ZNF174: variants seen among roughly 807,000 people sequenced by gnomAD.
ZNF174 encodes zinc finger protein 174.
A neutral mutation model predicts 38.7 loss-of-function variants in ZNF174; 30 were observed. The ratio of observed to expected loss-of-function variants is 0.78; its 90% CI spans 0.58 to 1.05. The LOEUF (loss-of-function observed/expected upper bound fraction) is 1.05. Among genes scored for constraint, ZNF174 ranks in the 50% least tolerant of loss-of-function variants. The pLI is 0.00. For missense variants in ZNF174, 499 were observed against 495.6 expected (o/e 1.01, Z -0.06); for synonymous variants, 201 against 181.7 (o/e 1.11, Z -0.86).
At position 3,408,702 on chromosome 16, in the gene ZNF174, C is replaced by A; in HGVS notation, c.1007C>A (p.Thr336Lys). The A allele has an allele frequency of 6.2e-7, 1 of 1,614,036 alleles. No homozygotes were observed. ...TGTGATGACTGTGGGAAAAGCTTCA[C>A]GTGGAATTCAGAGCTGAAGAGACAC... ...YKCDDCGKSFTWNSELKRHKR... is the reference protein window; with the variant it reads ...YKCDDCGKSFKWNSELKRHKR... The change falls in exon 3 of 3, where the codon ACG (threonine) becomes AAG (lysine). Residue 336 changes from threonine (T) to lysine (K), a missense_variant. Physicochemically the swap from Thr to Lys is moderately conservative, Grantham distance 78. Transcript: ENST00000268655.
chr16:3,405,043 A>AT, intron 2 of ZNF174: 1 of 1,592,162 alleles, frequency 6.3e-7, no homozygotes, highest in Non-Finnish European at 8.5e-7. Flanking sequence ...CCTATATCTT[A>AT]TATCTTTGTC....
intron 2 of ZNF174, among the ~76,000 whole-genome samples, chr16:3,407,815 C>T (rs2034075767): frequency 6.6e-6 from 1 of 152,198 alleles, no homozygotes; most frequent in South Asian, 2.1e-4. Context: ...AAGAAAACAT[C>T]ACAGTCTCTG....
Position 3,408,958 on chromosome 16 carries a change from TTG to T in ZNF174, c.*43_*44del. 1.3e-6 allele frequency: 2 copies of T among 1,539,014 alleles called. No homozygotes were observed. The highest frequency in any genetic ancestry group is 1.8e-6 in the Non-Finnish European group (2 of 1,138,700). On this transcript the variant is annotated 3_prime_UTR_variant, in exon 3 of 3. Transcript: ENST00000268655. ...TGCTTTAGATTCACACGGAAGGTGT[TTG>T]TGTTTCTCCTCCCCCTTACTTGCAT...
rs937332619 is a variant in ZNF174, at chr16:3,401,251, G to C, written c.-754G>C. ...GCCGGTGTCGGGTCCTAAGTCCCTC[G>C]GTCTTGGGTTCCCGGAGAGGTGAGT... On this transcript the variant is annotated 5_prime_UTR_variant, in exon 1 of 3. Transcript: ENST00000268655. The C allele has an allele frequency of 2.6e-5, 4 of 152,276 alleles. No individual in the cohort carries two copies. The highest frequency in any genetic ancestry group is 7.2e-5 in the African/African-American group (3 of 41,420). 9.4% of individuals were successfully genotyped at this position (152,276 alleles called of 1,614,324 possible).
intron 1 of ZNF174, among the ~76,000 whole-genome samples, chr16:3,403,587 T>G (rs2034001904): frequency 6.6e-6 from 1 of 151,640 alleles, no homozygotes; most frequent in African/African-American, 2.4e-5. Flanking sequence ...CCAGCTCAAG[T>G]GTTCCTCACA....
At position 3,404,443 on chromosome 16, in the gene ZNF174, G is replaced by A; in HGVS notation, c.420G>A (p.Gln140=). The part of the protein sequence containing the change: ...KPKQWVAVCM[Q]GQKVLLEKTG... ...GTTCCTAGGTGGCCGTTTGTATGCA[G>A]GGGCAAAAGGTGCTCTTGGAGAAAA... The change falls in exon 2 of 3, where the codon CAG becomes CAA. Residue 140 remains glutamine, a synonymous_variant. Coordinates refer to ENST00000268655, the MANE Select transcript of ZNF174 (RefSeq NM_003450.3). 6.2e-7 allele frequency: 1 copy of A among 1,606,184 alleles called. No individual in the cohort carries two copies. The highest frequency in any genetic ancestry group is 1.1e-5 in the South Asian group (1 of 90,824).
chr16:3,406,310 G>C (rs1260602960), intron 2 of ZNF174, among the ~76,000 whole-genome samples: 2 of 152,190 alleles, frequency 1.3e-5, no homozygotes, highest in Non-Finnish European at 2.9e-5. Context: ...ATACCTAGGA[G>C]TGGAATTACC....
chr16:3,404,679 T>A, intron 2 of ZNF174, 31 bp downstream of exon 2: 1 of 1,612,336 alleles, frequency 6.2e-7, no homozygotes, highest in Non-Finnish European at 8.5e-7. Flanking sequence ...CTCCCTCTCA[T>A]CAGCCCTTTA....
rs374877652 is a variant in ZNF174, at chr16:3,404,993, C to T, written c.625+345C>T. Reference sequence around the variant, plus strand: ...TGGCTGAGTTTCATTGCTTAAAATGCTCCTCTGTTTAGAGGGGCCTGGTAG... The same window carrying T: ...TGGCTGAGTTTCATTGCTTAAAATGTTCCTCTGTTTAGAGGGGCCTGGTAG... On this transcript the variant is annotated intron_variant, in intron 2 of 2. Coordinates refer to ENST00000268655, the MANE Select transcript of ZNF174 (RefSeq NM_003450.3). The T allele has an allele frequency of 1.6e-5, 26 of 1,613,844 alleles. No individual in the cohort carries two copies. The African/African-American group carries it at 1.7e-4, about 11-fold the overall frequency.
chr16:3,407,718 C>A (rs1480031232), intron 2 of ZNF174, among the ~76,000 whole-genome samples: 1 of 152,208 alleles, frequency 6.6e-6, no homozygotes, highest in East Asian at 1.9e-4. Flanking sequence ...TCATCTCCAT[C>A]CAGACTGTCA....
At chr16:3,406,938 C>T (rs909131857) in intron 2 of ZNF174, among the ~76,000 whole-genome samples, 2 of 152,036 alleles carry the variant, frequency 1.3e-5, no homozygotes, top group Non-Finnish European at 2.9e-5. Context: ...TTATTTTTTC[C>T]CCATACATAA....
chr16:3,404,015 T>C (rs1434842240), intron 1 of ZNF174, among the ~76,000 whole-genome samples: 1 of 152,188 alleles, frequency 6.6e-6, no homozygotes, highest in Non-Finnish European at 1.5e-5. Context: ...AACAATGTAT[T>C]AGGTAAGAAG....
chr16:3,403,857 GC>G (rs1416707773), intron 1 of ZNF174, among the ~76,000 whole-genome samples: 3 of 152,118 alleles, frequency 2.0e-5, no homozygotes, highest in African/African-American at 7.2e-5. Flanking sequence ...GCCACTCCCC[GC>G]CCCGAAGTCA....
At chr16:3,406,800 T>G (rs116140941) in intron 2 of ZNF174, among the ~76,000 whole-genome samples, 3,505 of 152,336 alleles carry the variant, frequency 0.023, 112 homozygotes, top group African/African-American at 0.069. Flanking sequence ...TTTTTTTCTT[T>G]CTTTATGCTT....
At position 3,404,609 on chromosome 16, in the gene ZNF174, C is replaced by T. The variant is rs1567341109; in HGVS notation, c.586C>T (p.Pro196Ser). ...GAGCCCCCATCATTGGGAGAAATCC[C>T]CACTCCTCCAAGAACCAACCCCCAA... ...RLSPHHWEKS[P>S]LLQEPTPKLA... The change falls in exon 2 of 3, where the codon CCA (proline) becomes TCA (serine). Residue 196 changes from proline to serine, a missense_variant. Coordinates refer to ENST00000268655, the MANE Select transcript of ZNF174 (RefSeq NM_003450.3). 6.2e-7 allele frequency: 1 copy of T among 1,614,190 alleles called. No individual in the cohort carries two copies. The highest frequency in any genetic ancestry group is 8.5e-7 in the Non-Finnish European group (1 of 1,180,030).
intron 1 of ZNF174, 139 bp downstream of exon 1, chr16:3,402,545 G>A: frequency 1.2e-6 from 1 of 855,150 alleles, no homozygotes; most frequent in South Asian, 1.9e-5. Flanking sequence ...TGCAAGCTCC[G>A]CCTCCCGGGT....
Position 3,401,735 on chromosome 16 carries a change from T to A in ZNF174, c.-270T>A. 2.6e-6 allele frequency: 1 copy of A among 382,014 alleles called. No homozygotes were observed. Among genetic ancestry groups the A allele is most frequent in the South Asian group, 3.1e-5 (1 of 31,866 alleles). 23.7% of individuals were successfully genotyped at this position (382,014 alleles called of 1,614,324 possible). ...TAAAAGAAGTATTTTTTCCCCAGAG[T>A]CCTTTTAGGACGTTATGACTTTTCT... On this transcript the variant is annotated 5_prime_UTR_variant, in exon 1 of 3. Transcript: ENST00000268655.
At chr16:3,404,727 G>C (rs2034027574) in intron 2 of ZNF174, 79 bp downstream of exon 2, 1 of 1,573,984 alleles carries the variant, frequency 6.4e-7, no homozygotes, top group African/African-American at 1.4e-5. Flanking sequence ...CAAAGGCATA[G>C]ACCACATGTG....
In ZNF174 at chr16:3,402,166, T is replaced by A; in HGVS notation, c.162T>A (p.Tyr54Ter). The A allele has an allele frequency of 6.2e-7, 1 of 1,613,084 alleles. No homozygotes were observed. The highest frequency in any genetic ancestry group is 8.5e-7 in the Non-Finnish European group (1 of 1,179,140). The change falls in exon 1 of 3, where the codon TAT (tyrosine) becomes TAA (stop). Residue 54 changes from tyrosine (Y) to a stop codon, truncating the protein, a stop_gained. Transcript: ENST00000268655. LOFTEE classifies it high-confidence loss of function. Reference sequence around the variant, plus strand: ...GCCAGAGCTTCAGACGCTTTTGTTATCAAGAGGTGTCTGGACCCCAAGAGG... The same window carrying A: ...GCCAGAGCTTCAGACGCTTTTGTTAACAAGAGGTGTCTGGACCCCAAGAGG... ...LCRQSFRRFC[Y>*]QEVSGPQEAL...
Sources: allele counts gnomAD v4.1 joint callset (sites outside exome capture counted in the v4.1 genomes callset), GRCh38; gene constraint gnomAD v4.1.1; transcripts MANE v1.5; gene names NCBI Gene and HGNC (gene_info 2026-07-23, HGNC 2026-07-21).